The following HS2ST1 variants were observed in gnomAD, a reference collection of about 807,000 sequenced individuals.
The protein encoded by HS2ST1 is 2-O-sulfotransferase.
In HS2ST1, 18 loss-of-function variants were observed where a neutral mutation model predicts 42.9. That is an observed-to-expected ratio of 0.42 (90% CI 0.29 to 0.62). HS2ST1 has a LOEUF of 0.62. Among genes scored for constraint, HS2ST1 ranks in the 20% least tolerant of loss-of-function variants. The pLI is 0.21. For missense variants in HS2ST1, 334 were observed against 433.8 expected (o/e 0.77, Z 2.04); for synonymous variants, 146 against 152.9 (o/e 0.95, Z 0.33).
chr1:87,097,417 C>T (rs532934941), intron 4 of HS2ST1, among the ~76,000 whole-genome samples: 1 of 152,122 alleles, frequency 6.6e-6, no homozygotes, highest in East Asian at 1.9e-4. Context: ...TTTTTTGAGA[C>T]GGAGTCTTGC....
intron 2 of HS2ST1, among the ~76,000 whole-genome samples, chr1:87,076,098 C>T (rs985312973): frequency 6.7e-6 from 1 of 150,074 alleles, no homozygotes; most frequent in African/African-American, 2.5e-5. Context: ...AAAAGTGTTC[C>T]CTACCAAAAT....
At chr1:87,081,780 G>T (rs1392942614) in intron 2 of HS2ST1, among the ~76,000 whole-genome samples, 1 of 151,996 alleles carries the variant, frequency 6.6e-6, no homozygotes, top group Non-Finnish European at 1.5e-5. Context: ...GAGGTCAAGA[G>T]ATCGAGACCG....
intron 1 of HS2ST1, among the ~76,000 whole-genome samples, chr1:87,010,615 T>A (rs1445824117): frequency 6.6e-6 from 1 of 152,192 alleles, no homozygotes; most frequent in Non-Finnish European, 1.5e-5. Context: ...TATTTTCATA[T>A]GTAGACTAAT....
chr1:86,929,819 T>C (rs1660507154), intron 1 of HS2ST1, among the ~76,000 whole-genome samples: 1 of 151,888 alleles, frequency 6.6e-6, no homozygotes, highest in African/African-American at 2.4e-5. Flanking sequence ...CATTGTCATA[T>C]CTCAAATAGA....
At chr1:86,935,758 A>G (rs973172508) in intron 1 of HS2ST1, among the ~76,000 whole-genome samples, 3 of 152,070 alleles carry the variant, frequency 2.0e-5, no homozygotes, top group African/African-American at 7.2e-5. Context: ...GCCACCACAC[A>G]TGGCCTCATA....
At chr1:87,055,601 G>A (rs773417242) in intron 1 of HS2ST1, among the ~76,000 whole-genome samples, 2 of 152,136 alleles carry the variant, frequency 1.3e-5, no homozygotes, top group South Asian at 2.1e-4. Flanking sequence ...GCTCTTTATC[G>A]CTTATAGAAG....
chr1:86,978,627 A>T (rs924945549), intron 1 of HS2ST1, among the ~76,000 whole-genome samples: 1 of 152,174 alleles, frequency 6.6e-6, no homozygotes, highest in African/African-American at 2.4e-5. Flanking sequence ...TTGTGGTTGT[A>T]TAATTTGGCA....
rs571299301 is a variant in HS2ST1, at chr1:87,063,582, G to A, written c.125-9352G>A. On this transcript the variant is annotated intron_variant, in intron 1 of 6. Coordinates refer to ENST00000370550, the MANE Select transcript of HS2ST1 (RefSeq NM_012262.4). ...GAACTCCTGACCTCATGATCCACCC[G>A]CCTCGGCTTCCCTAAATGCTGGGAT... 2.6e-4 allele frequency among the ~76,000 whole-genome samples: 40 copies of A among 152,168 alleles called. No homozygotes were observed. In the South Asian group the frequency reaches 5.0e-3, roughly 19 times the overall value.
chr1:86,915,994 G>A (rs1660147271), intron 1 of HS2ST1, among the ~76,000 whole-genome samples: 1 of 152,164 alleles, frequency 6.6e-6, no homozygotes, highest in Non-Finnish European at 1.5e-5. Context: ...CTAACCATAT[G>A]GTTAAATACC....
At chr1:86,931,199 A>T in intron 1 of HS2ST1, among the ~76,000 whole-genome samples, 1 of 152,178 alleles carries the variant, frequency 6.6e-6, no homozygotes, top group Middle Eastern at 3.4e-3. Context: ...GAATTGTATT[A>T]TACATTATTT....
intron 1 of HS2ST1, among the ~76,000 whole-genome samples, chr1:87,003,807 A>T (rs891017457): frequency 6.6e-6 from 1 of 152,196 alleles, no homozygotes; most frequent in African/African-American, 2.4e-5. Context: ...CCTAGAGATG[A>T]TATAAGTATA....
At chr1:87,006,218 C>T (rs930893910) in intron 1 of HS2ST1, among the ~76,000 whole-genome samples, 17 of 152,076 alleles carry the variant, frequency 1.1e-4, no homozygotes, top group Non-Finnish European at 2.4e-4. Context: ...AGTAGTATTG[C>T]CCAAGGATAG....
intron 1 of HS2ST1, among the ~76,000 whole-genome samples, chr1:86,999,967 A>G (rs1366307569): frequency 6.6e-6 from 1 of 152,162 alleles, no homozygotes; most frequent in African/African-American, 2.4e-5. Flanking sequence ...TAGTTATGCC[A>G]AAAAAAGGGA....
At chr1:86,994,798 A>G (rs921550896) in intron 1 of HS2ST1, among the ~76,000 whole-genome samples, 1 of 152,138 alleles carries the variant, frequency 6.6e-6, no homozygotes, top group African/African-American at 2.4e-5. Context: ...CTTGATTTGT[A>G]GTACATCGAC....
intron 1 of HS2ST1, among the ~76,000 whole-genome samples, chr1:86,979,130 A>G (rs1262990094): frequency 6.6e-6 from 1 of 152,200 alleles, no homozygotes; most frequent in Non-Finnish European, 1.5e-5. Flanking sequence ...TGCTAGGATT[A>G]TAGGCGTGAG....
intron 1 of HS2ST1, among the ~76,000 whole-genome samples, chr1:86,964,872 A>G (rs1313206477): frequency 2.6e-5 from 4 of 152,208 alleles, no homozygotes; most frequent in African/African-American, 7.2e-5. Flanking sequence ...TAGTAATAGT[A>G]GATACACTCT....
At chr1:86,965,847 T>C (rs866568330) in intron 1 of HS2ST1, among the ~76,000 whole-genome samples, 135 of 152,340 alleles carry the variant, frequency 8.9e-4, no homozygotes, top group African/African-American at 3.1e-3. Flanking sequence ...GAATAGTTTA[T>C]ACAAGGAATG....
chr1:86,937,078 C>G (rs1218249755), intron 1 of HS2ST1, among the ~76,000 whole-genome samples: 2 of 151,764 alleles, frequency 1.3e-5, no homozygotes, highest in South Asian at 4.2e-4. Flanking sequence ...GCACTCCAGC[C>G]TGGGCAACAG....
chr1:86,917,674 T>A (rs1660192192), intron 1 of HS2ST1, among the ~76,000 whole-genome samples: 1 of 152,224 alleles, frequency 6.6e-6, no homozygotes, highest in Non-Finnish European at 1.5e-5. Context: ...AAGTGCTCCT[T>A]TAATTATGTC....
Sources: allele counts gnomAD v4.1 joint callset (sites outside exome capture counted in the v4.1 genomes callset), GRCh38; gene constraint gnomAD v4.1.1; transcripts MANE v1.5; gene names NCBI Gene and HGNC (gene_info 2026-07-23, HGNC 2026-07-21).